The following MAPK6 variants were observed in gnomAD, a reference collection of about 807,000 sequenced individuals.
MAPK6 encodes the protein mitogen-activated protein kinase 6, also known as ERK-3.
Under a neutral mutation model 59.3 loss-of-function variants are expected in MAPK6, and 19 were observed. The observed-to-expected ratio is 0.32, with a 90% CI of 0.22 to 0.47. The LOEUF is 0.47. MAPK6 is among the 20% of genes least tolerant of loss of function. The pLI is 1.00. For synonymous variants in MAPK6, 316 were observed against 290.3 expected (o/e 1.09, Z -0.90); for missense variants, 724 against 847.9 (o/e 0.85, Z 1.81).
At chr15:52,037,826 C>A (rs990830539) in intron 1 of MAPK6, among the ~76,000 whole-genome samples, 1 of 152,130 alleles carries the variant, frequency 6.6e-6, no homozygotes, top group African/African-American at 2.4e-5. Context: ...GTAGAATATG[C>A]TATTTACATT....
intron 2 of MAPK6, among the ~76,000 whole-genome samples, chr15:51,990,549 C>T (rs1339313295): frequency 6.6e-6 from 1 of 152,226 alleles, no homozygotes; most frequent in Non-Finnish European, 1.5e-5. Flanking sequence ...GGCGCAGTGG[C>T]TCATGCCTGT....
chr15:52,059,060 A>T (rs1332123819), intron 4 of MAPK6, among the ~76,000 whole-genome samples: 1 of 152,210 alleles, frequency 6.6e-6, no homozygotes, highest in Non-Finnish European at 1.5e-5. Flanking sequence ...GGACAAAATC[A>T]TGATGGCATT....
At position 51,983,235 on chromosome 15, in the gene MAPK6, C is replaced by A. The variant is rs145928935; in HGVS notation, c.-850C>A. ...GGCGTGGTGCCTCATGCCTGTAATC[C>A]CAGCACTTTGGGAGGCCAAGGTGGG... On this transcript the variant is annotated 5_prime_UTR_variant, in exon 2 of 8. Transcript: ENST00000691380. Among the ~76,000 whole-genome samples, 1,125 of 152,164 alleles carry A rather than the reference C, an allele frequency of 7.4e-3. 5 individuals carry two copies. The highest frequency in any genetic ancestry group is 0.02 in the Middle Eastern group (6 of 294).
intron 3 of MAPK6, among the ~76,000 whole-genome samples, chr15:52,051,260 T>C (rs2031768932): frequency 6.6e-6 from 1 of 152,046 alleles, no homozygotes. Flanking sequence ...GGTTTTACCA[T>C]GTTAGCCAGG....
chr15:52,015,802 A>T, upstream of MAPK6, among the ~76,000 whole-genome samples: 1 of 147,658 alleles, frequency 6.8e-6, no homozygotes, highest in Admixed American at 6.6e-5. Context: ...TCACACCTGT[A>T]ATCCCAGCAC....
At chr15:52,038,147 C>G (rs1184637752) in intron 1 of MAPK6, among the ~76,000 whole-genome samples, 2 of 103,624 alleles carry the variant, frequency 1.9e-5, no homozygotes, top group Non-Finnish European at 4.2e-5. Flanking sequence ...TTCCTTTGAG[C>G]TCAAGATTGA....
At chr15:52,050,983 T>C (rs1444046975) in intron 3 of MAPK6, among the ~76,000 whole-genome samples, 4 of 152,162 alleles carry the variant, frequency 2.6e-5, no homozygotes, top group African/African-American at 4.8e-5. Flanking sequence ...GTACTGAAGA[T>C]TTTTTAGTTG....
intron 1 of MAPK6, 89 bp downstream of exon 1, chr15:52,019,465 G>GCGGCGA (rs1555396917): frequency 6.8e-6 from 1 of 147,046 alleles, no homozygotes; most frequent in Non-Finnish European, 1.5e-5. Flanking sequence ...GGCGGCGGCG[G>GCGGCGA]CGACGGCGGA....
chr15:52,058,464 TGAAATA>T (rs2032067340), intron 3 of MAPK6, among the ~76,000 whole-genome samples, 163 bp from the exon 4 acceptor site: 1 of 152,146 alleles, frequency 6.6e-6, no homozygotes, highest in African/African-American at 2.4e-5. Context: ...AAGCAGAAAT[TGAAATA>T]GATAAGTAGA....
intron 2 of MAPK6, among the ~76,000 whole-genome samples, chr15:51,987,963 C>A (rs1207922718): frequency 1.3e-5 from 2 of 151,840 alleles, no homozygotes; most frequent in Non-Finnish European, 2.9e-5. Flanking sequence ...ACAGAGTTTC[C>A]TCATGTTGGC....
intron 1 of MAPK6, among the ~76,000 whole-genome samples, chr15:52,023,606 TTTTG>T (rs947980753): frequency 5.3e-5 from 8 of 152,316 alleles, no homozygotes; most frequent in South Asian, 2.1e-4. Context: ...CTAAGAGTTT[TTTTG>T]TTTGTTTGTT....
chr15:51,976,791 A>G lies in MAPK6; in HGVS notation c.-880+4885A>G, dbSNP rs1243049338. ...AACCCCATCTCTACTAAAAATACAAAAATTAGCCGGGCTTGGCGGTCGCAC... is the reference window on the plus strand; with the variant it reads ...AACCCCATCTCTACTAAAAATACAAGAATTAGCCGGGCTTGGCGGTCGCAC... On this transcript the variant is annotated intron_variant, in intron 1 of 7. Transcript: ENST00000691380. 2.0e-5 allele frequency among the ~76,000 whole-genome samples: 3 copies of G among 151,374 alleles called. No individual in the cohort carries two copies. The East Asian group carries it at 5.9e-4, about 30-fold the overall frequency.
intron 3 of MAPK6, among the ~76,000 whole-genome samples, chr15:52,012,965 C>A (rs376928524): frequency 4.0e-5 from 5 of 124,366 alleles, no homozygotes; most frequent in Non-Finnish European, 6.4e-5. Context: ...CCAGCCTGGG[C>A]GACAGAGTGA....
intron 1 of MAPK6, among the ~76,000 whole-genome samples, chr15:51,977,272 G>C (rs1341707116): frequency 6.6e-6 from 1 of 151,646 alleles, no homozygotes; most frequent in Non-Finnish European, 1.5e-5. Flanking sequence ...CTAAGTGCTA[G>C]GATTACAGAC....
rs201759381 is a variant in MAPK6 at position 51,989,079 on chromosome 15, A to AT, written c.-770+5782dup. ...TAATCACTCCATCTCAAAATCCATA[A>AT]TTTTTTTTTTTTTTTTTTGAGATGG... On this transcript the variant is annotated intron_variant, in intron 2 of 7. Coordinates refer to the MAPK6 transcript ENST00000691380. 4.4e-3 allele frequency among the ~76,000 whole-genome samples: 586 copies of AT among 132,994 alleles called. 2 individuals are homozygous for AT. Among genetic ancestry groups the AT allele is most frequent in the East Asian group, 0.012 (54 of 4,504 alleles). 87.2% of individuals were successfully genotyped at this position (132,994 alleles called of 152,430 possible).
intron 1 of MAPK6, among the ~76,000 whole-genome samples, chr15:52,028,160 G>C (rs2030884663): frequency 6.6e-6 from 1 of 151,858 alleles, no homozygotes; most frequent in African/African-American, 2.4e-5. Context: ...CACCGTGTTA[G>C]CCAGGATGGT....
chr15:52,005,576 A>G (rs760484829), intron 3 of MAPK6, among the ~76,000 whole-genome samples: 17 of 152,028 alleles, frequency 1.1e-4, no homozygotes, highest in Non-Finnish European at 2.5e-4. Flanking sequence ...GGTGAATGAT[A>G]GTTTAAACAG....
chr15:51,996,115 T>A (rs1413520579), intron 2 of MAPK6, among the ~76,000 whole-genome samples: 1 of 152,160 alleles, frequency 6.6e-6, no homozygotes, highest in Admixed American at 6.5e-5. Flanking sequence ...TGCTGTATTA[T>A]CCATTTACCT....
intron 1 of MAPK6, chr15:52,027,807 C>G (rs2141865400): frequency 6.6e-6 from 1 of 151,664 alleles, no homozygotes; most frequent in African/African-American, 2.4e-5. Context: ...GAGTCTCACT[C>G]TGTTGGCCAG....
Sources: gnomAD v4.1 joint callset for allele counts (sites outside exome capture counted in the v4.1 genomes callset) on GRCh38, gnomAD v4.1.1 for gene constraint, MANE v1.5 for transcripts, NCBI Gene and HGNC (gene_info 2026-07-23, HGNC 2026-07-21) for gene names.